TAFA2: variants seen among roughly 807,000 people sequenced by gnomAD.
TAFA2 encodes the protein TAFA chemokine like family member 2.
TAFA2 carries 7 observed loss-of-function variants against 18.8 expected under a neutral mutation model. The ratio of observed to expected loss-of-function variants is 0.37; its 90% CI spans 0.21 to 0.70. The LOEUF (loss-of-function observed/expected upper bound fraction) is 0.70, where lower values mean the gene tolerates loss of function less well. Ranked by LOEUF, TAFA2 falls within the 30% of genes least tolerant of loss-of-function variation. The probability of loss-of-function intolerance (pLI) is 0.53; values close to 1 mark genes in which losing one functional copy is unlikely to be tolerated. For missense variants in TAFA2, 122 were observed against 158.1 expected, an observed-to-expected ratio of 0.77 and a Z score of 1.23; for synonymous variants, 60 against 54.2, an observed-to-expected ratio of 1.11 and a Z score of -0.47.
intron 1 of TAFA2, among the ~76,000 whole-genome samples, chr12:62,130,229 T>C (rs1159881177): frequency 1.3e-5 from 2 of 151,958 alleles, no homozygotes; most frequent in Admixed American, 6.6e-5. Context: ...ATGTCCCCCT[T>C]AGCATTTTCC....
chr12:61,888,958 T>C (rs10877760), intron 1 of TAFA2, among the ~76,000 whole-genome samples: 40,928 of 152,052 alleles, frequency 0.27, 5,705 homozygotes, highest in South Asian at 0.37. Flanking sequence ...CCCCTCTCCA[T>C]TGGAGGCTAA....
At chr12:61,943,457 T>A (rs1274087151) in intron 1 of TAFA2, among the ~76,000 whole-genome samples, 1 of 146,574 alleles carries the variant, frequency 6.8e-6, no homozygotes, top group Non-Finnish European at 1.5e-5. Flanking sequence ...ATAACAATAT[T>A]AACTTTAAAT....
chr12:61,710,441 G>T, intron 4 of TAFA2, 24 bp from the exon 5 acceptor site: 6 of 1,572,548 alleles, frequency 3.8e-6, no homozygotes, highest in Non-Finnish European at 5.2e-6. Context: ...AGAAAATATA[G>T]TCAACATTTC....
chr12:62,191,332 A>G lies in TAFA2; in HGVS notation c.-75T>C, dbSNP rs2062623051. On this transcript the variant is annotated 5_prime_UTR_variant, in exon 1 of 5. The change abolishes the stop of an existing upstream ORF in the 5' untranslated region. Transcript: ENST00000416284. ...GCTTTTGCGGGCCGGCGCCAGCCTTATCGCTCTCGCATCGCTTCCAAGATG... is the reference window on the plus strand; with the variant it reads ...GCTTTTGCGGGCCGGCGCCAGCCTTGTCGCTCTCGCATCGCTTCCAAGATG... The G allele has an allele frequency of 6.6e-6, 1 of 152,242 alleles. No individual in the cohort carries two copies. Among genetic ancestry groups the G allele is most frequent in the Non-Finnish European group, 1.5e-5 (1 of 68,082 alleles). 9.4% of individuals were successfully genotyped at this position (152,242 alleles called of 1,614,324 possible). A position where few individuals can be genotyped will look rare whatever the true frequency, so the allele number is the denominator to read the frequency against.
chr12:61,996,714 T>C (rs755804467), intron 1 of TAFA2, among the ~76,000 whole-genome samples: 1 of 152,188 alleles, frequency 6.6e-6, no homozygotes, highest in Non-Finnish European at 1.5e-5. Flanking sequence ...ACTCCACTTA[T>C]GTACCCTGGC....
intron 2 of TAFA2, among the ~76,000 whole-genome samples, chr12:61,759,449 C>G (rs1389777011): frequency 6.6e-6 from 1 of 151,994 alleles, no homozygotes; most frequent in Non-Finnish European, 1.5e-5. Context: ...TCCCCACCAG[C>G]CAGAGCAACG....
chr12:62,063,401 C>A (rs1324047424), intron 1 of TAFA2, among the ~76,000 whole-genome samples: 3 of 152,164 alleles, frequency 2.0e-5, no homozygotes. Context: ...TTCCTACCAT[C>A]AAATTCTTAT....
chr12:62,153,053 T>C (rs977366636), intron 1 of TAFA2, among the ~76,000 whole-genome samples: 1 of 152,198 alleles, frequency 6.6e-6, no homozygotes, highest in Non-Finnish European at 1.5e-5. Flanking sequence ...TTCAATAATT[T>C]TTTTAATGAA....
chr12:61,819,562 T>C (rs1233664564), intron 2 of TAFA2, among the ~76,000 whole-genome samples: 1 of 152,152 alleles, frequency 6.6e-6, no homozygotes, highest in Admixed American at 6.5e-5. Flanking sequence ...AGATACTGCA[T>C]TATCATTCCC....
chr12:61,789,282 C>A (rs971800592), intron 2 of TAFA2, among the ~76,000 whole-genome samples: 1 of 151,876 alleles, frequency 6.6e-6, no homozygotes, highest in Non-Finnish European at 1.5e-5. Flanking sequence ...TTAGGTCTTA[C>A]ATTTAAGTCT....
chr12:61,712,474 A>G (rs1263318147), intron 4 of TAFA2, among the ~76,000 whole-genome samples: 4 of 152,294 alleles, frequency 2.6e-5, no homozygotes, highest in South Asian at 4.1e-4. Flanking sequence ...TTCTGTAGAG[A>G]AAAAACATAG....
intron 1 of TAFA2, among the ~76,000 whole-genome samples, chr12:62,165,011 G>C (rs975944279): frequency 3.9e-5 from 6 of 152,020 alleles, no homozygotes; most frequent in African/African-American, 1.4e-4. Context: ...AAACTGAAAT[G>C]GAAGTTCCTT....
chr12:61,997,348 G>A (rs1880231781), intron 1 of TAFA2, among the ~76,000 whole-genome samples: 1 of 152,058 alleles, frequency 6.6e-6, no homozygotes, highest in Non-Finnish European at 1.5e-5. Context: ...ATATCTGGGG[G>A]AAATAATCCG....
At chr12:62,006,701 T>G (rs1443594301) in intron 1 of TAFA2, among the ~76,000 whole-genome samples, 5 of 152,160 alleles carry the variant, frequency 3.3e-5, no homozygotes. Context: ...GCTTCAAATA[T>G]CAATTGCAAG....
chr12:62,235,237 G>A (rs1205361146), intron 1 of TAFA2: 9 of 662,936 alleles, frequency 1.4e-5, no homozygotes, highest in Non-Finnish European at 2.0e-5. Context: ...CCATGCTCAG[G>A]CAGTGGCATA....
At chr12:61,762,233 C>T (rs1262825227) in intron 2 of TAFA2, among the ~76,000 whole-genome samples, 7 of 152,148 alleles carry the variant, frequency 4.6e-5, no homozygotes, top group Middle Eastern at 3.4e-3. Context: ...CTTTCTATGC[C>T]TTCCTGAAGT....
intron 1 of TAFA2, among the ~76,000 whole-genome samples, chr12:62,215,139 A>G (rs991000750): frequency 2.6e-5 from 4 of 152,206 alleles, no homozygotes; most frequent in Admixed American, 6.5e-5. Flanking sequence ...TAAGAGACCA[A>G]AACTTTCCAA....
At chr12:62,179,142 TGAAAGA>T (rs2062535110) in intron 1 of TAFA2, among the ~76,000 whole-genome samples, 1 of 152,166 alleles carries the variant, frequency 6.6e-6, no homozygotes, top group East Asian at 1.9e-4. Flanking sequence ...CTTATGGAAA[TGAAAGA>T]GAAAAATTAT....
chr12:61,805,252 A>G (rs1871562900), intron 2 of TAFA2, among the ~76,000 whole-genome samples: 1 of 151,970 alleles, frequency 6.6e-6, no homozygotes, highest in African/African-American at 2.4e-5. Flanking sequence ...TACTCCCTAA[A>G]TTGTTATTTT....
Sources: allele counts gnomAD v4.1 joint callset (sites outside exome capture counted in the v4.1 genomes callset), GRCh38; gene constraint gnomAD v4.1.1; transcripts MANE v1.5; gene names NCBI Gene and HGNC (gene_info 2026-07-23, HGNC 2026-07-21).